The following DAB2IP variants were observed in gnomAD, a reference collection of about 807,000 sequenced individuals.
DAB2IP encodes disabled homolog 2-interacting protein.
Under a neutral mutation model 107.2 loss-of-function variants are expected in DAB2IP, and 28 were observed. The ratio of observed to expected loss-of-function variants is 0.26; its 90% CI spans 0.19 to 0.36. The LOEUF is 0.36. DAB2IP is among the 10% of genes least tolerant of loss of function. The pLI is 1.00. For missense variants in DAB2IP, 1,400 were observed against 1,644.7 expected, an observed-to-expected ratio of 0.85 and a Z score of 2.57; for synonymous variants, 755 against 706.4, an observed-to-expected ratio of 1.07 and a Z score of -1.09.
intron 8 of DAB2IP, 27 bp from the exon 9 acceptor site, chr9:121,766,467 A>C (rs377760698): frequency 6.3e-7 from 1 of 1,593,924 alleles, no homozygotes; most frequent in Non-Finnish European, 8.5e-7. Flanking sequence ...CTGACAGCCA[A>C]GCCCACCTTT....
chr9:121,697,727 T>C (rs538035110), intron 2 of DAB2IP, among the ~76,000 whole-genome samples: 2 of 152,272 alleles, frequency 1.3e-5, no homozygotes, highest in African/African-American at 2.4e-5. Flanking sequence ...GATGGCCTTC[T>C]GGTGAGGTAT....
intron 1 of DAB2IP, among the ~76,000 whole-genome samples, chr9:121,571,905 A>C (rs1421740187): frequency 2.6e-5 from 4 of 152,002 alleles, no homozygotes; most frequent in Non-Finnish European, 5.9e-5. Flanking sequence ...GGAGAAGGGG[A>C]GAGCTCGGAA....
intron 3 of DAB2IP, among the ~76,000 whole-genome samples, chr9:121,719,592 G>A (rs1830810721): frequency 6.6e-6 from 1 of 152,192 alleles, no homozygotes; most frequent in Non-Finnish European, 1.5e-5. Context: ...CAGAGATAGA[G>A]AAGGTGAGCT....
chr9:121,668,233 G>T (rs369834548), intron 1 of DAB2IP, among the ~76,000 whole-genome samples: 10 of 146,382 alleles, frequency 6.8e-5, no homozygotes, highest in Non-Finnish European at 1.3e-4. Context: ...TTGCTTTGTC[G>T]CTAGGCTGTA....
intron 1 of DAB2IP, among the ~76,000 whole-genome samples, chr9:121,609,045 G>A (rs942138961): frequency 3.3e-5 from 5 of 152,170 alleles, no homozygotes; most frequent in South Asian, 2.1e-4. Flanking sequence ...AGGTTCAAGC[G>A]ATTCTCCTGC....
At chr9:121,767,372 G>A (rs1471948092) in intron 9 of DAB2IP, among the ~76,000 whole-genome samples, 1 of 152,244 alleles carries the variant, frequency 6.6e-6, no homozygotes, top group African/African-American at 2.4e-5. Context: ...CCAGGGAGAC[G>A]TGTGGAATGA....
At chr9:121,657,654 C>T (rs559670814) in intron 1 of DAB2IP, among the ~76,000 whole-genome samples, 2 of 152,242 alleles carry the variant, frequency 1.3e-5, no homozygotes, top group African/African-American at 2.4e-5. Flanking sequence ...CTCAGAAGCC[C>T]CAGGGCTCCC....
At chr9:121,643,520 G>A (rs966240682) in intron 1 of DAB2IP, among the ~76,000 whole-genome samples, 7 of 151,892 alleles carry the variant, frequency 4.6e-5, no homozygotes, top group Non-Finnish European at 1.0e-4. Context: ...TGTATCCTCT[G>A]CTCCAGCCTC....
intron 1 of DAB2IP, among the ~76,000 whole-genome samples, chr9:121,673,868 G>A (rs1833781779): frequency 1.3e-5 from 2 of 152,208 alleles, no homozygotes; most frequent in African/African-American, 2.4e-5. Flanking sequence ...CCCATCTGTG[G>A]GTAAAGGAGG....
intron 1 of DAB2IP, among the ~76,000 whole-genome samples, chr9:121,673,652 T>C (rs1216368114): frequency 1.3e-5 from 2 of 152,130 alleles, no homozygotes; most frequent in Non-Finnish European, 2.9e-5. Flanking sequence ...AGAGCGACAA[T>C]GAAAAAACAT....
intron 1 of DAB2IP, among the ~76,000 whole-genome samples, chr9:121,667,293 T>C (rs1462600838): frequency 1.3e-5 from 2 of 151,708 alleles, no homozygotes; most frequent in African/African-American, 2.4e-5. Context: ...GAAAAGCACT[T>C]TGGGGTAAAT....
At chr9:121,689,970 C>T (rs1196052023) in intron 2 of DAB2IP, among the ~76,000 whole-genome samples, 1 of 152,254 alleles carries the variant, frequency 6.6e-6, no homozygotes, top group African/African-American at 2.4e-5. Flanking sequence ...TTGAACCCAG[C>T]TCTGCCGCTT....
chr9:121,641,995 T>C (rs867419062), intron 1 of DAB2IP, among the ~76,000 whole-genome samples: 349 of 34,862 alleles, frequency 0.01, 4 homozygotes, highest in East Asian at 0.013. Flanking sequence ...TTTCTTTCCT[T>C]TCTCTCTCTC....
chr9:121,619,132 T>A (rs1485317791), intron 1 of DAB2IP, among the ~76,000 whole-genome samples: 2 of 151,974 alleles, frequency 1.3e-5, no homozygotes, highest in African/African-American at 2.4e-5. Flanking sequence ...CAGGGAGAGC[T>A]TCGTGTCCTT....
chr9:121,732,739 C>G (rs1158270030), intron 3 of DAB2IP, among the ~76,000 whole-genome samples: 1 of 152,212 alleles, frequency 6.6e-6, no homozygotes, highest in Non-Finnish European at 1.5e-5. Flanking sequence ...AGAATCCCAG[C>G]TCCCACCAGT....
At chr9:121,618,558 G>A (rs1477673218) in intron 1 of DAB2IP, among the ~76,000 whole-genome samples, 1 of 152,094 alleles carries the variant, frequency 6.6e-6, no homozygotes, top group Admixed American at 6.5e-5. Flanking sequence ...AGAGGGTTTC[G>A]CCATGTTGGC....
At position 121,567,230 on chromosome 9, in the gene DAB2IP, T is replaced by C; in HGVS notation, c.40+2T>C. On this transcript the variant is annotated splice_donor_variant, in intron 1 of 16. Coordinates refer to the DAB2IP transcript ENST00000259371. LOFTEE classifies it high-confidence loss of function. ...TTCTGGACCAAGACGACTCCTACGG[T>C]AAGACGGTGCCAGCAAAGTGCAGAG... 6.2e-7 allele frequency: 1 copy of C among 1,614,000 alleles called. No homozygotes were observed. Among genetic ancestry groups the C allele is most frequent in the South Asian group, 1.1e-5 (1 of 91,076 alleles).
intron 1 of DAB2IP, among the ~76,000 whole-genome samples, chr9:121,652,207 G>C (rs1832772601): frequency 6.6e-6 from 1 of 152,122 alleles, no homozygotes; most frequent in African/African-American, 2.4e-5. Flanking sequence ...CAGCAGCCGG[G>C]CAATAAAGTA....
At chr9:121,739,247 G>A (rs991561051) in intron 3 of DAB2IP, among the ~76,000 whole-genome samples, 4 of 152,226 alleles carry the variant, frequency 2.6e-5, no homozygotes, top group African/African-American at 9.6e-5. Context: ...AGAACTCCTA[G>A]CCTAGGGAGC....
Sources: allele counts gnomAD v4.1 joint callset (sites outside exome capture counted in the v4.1 genomes callset), GRCh38; gene constraint gnomAD v4.1.1; transcripts MANE v1.5; gene names NCBI Gene and HGNC (gene_info 2026-07-23, HGNC 2026-07-21).